ABI3BP: variants seen among roughly 807,000 people sequenced by gnomAD.
ABI3BP encodes the protein target of Nesh-SH3.
A neutral mutation model predicts 268.6 loss-of-function variants in ABI3BP; 216 were observed. The observed-to-expected ratio is 0.80, with a 90% confidence interval of 0.72 to 0.90. The LOEUF is 0.90. Ranked by LOEUF, ABI3BP falls within the 40% of genes least tolerant of loss-of-function variation. ABI3BP has a pLI of 0.00. For missense variants in ABI3BP, 2,090 were observed against 2,182.4 expected, an observed-to-expected ratio of 0.96 and a Z score of 0.84; for synonymous variants, 730 against 730.0, an observed-to-expected ratio of 1.00 and a Z score of 0.00.
chr3:100,853,092 T>C (rs1311442109), intron 14 of ABI3BP, among the ~76,000 whole-genome samples: 2 of 152,236 alleles, frequency 1.3e-5, no homozygotes, highest in African/African-American at 2.4e-5. Flanking sequence ...TGGTTGAAGC[T>C]GTAAGAAAGA....
intron 37 of ABI3BP, 32 bp downstream of exon 37, chr3:100,823,426 G>A: frequency 6.7e-7 from 1 of 1,501,246 alleles, no homozygotes; most frequent in Non-Finnish European, 8.9e-7. Flanking sequence ...ATAAGCAAAA[G>A]AAGCTTGTCG....
intron 51 of ABI3BP, among the ~76,000 whole-genome samples, chr3:100,797,451 AC>A (rs1181672998): frequency 6.6e-6 from 1 of 152,020 alleles, no homozygotes; most frequent in Non-Finnish European, 1.5e-5. Flanking sequence ...CCTTTCATAC[AC>A]ACCAGTGTCT....
At chr3:100,831,658 G>C (rs1183962647) in intron 31 of ABI3BP, among the ~76,000 whole-genome samples, 1 of 152,054 alleles carries the variant, frequency 6.6e-6, no homozygotes, top group Non-Finnish European at 1.5e-5. Flanking sequence ...GTTATCCTCT[G>C]TCTGGTGAGC....
At chr3:100,827,301 C>T (rs1373874224) in intron 34 of ABI3BP, among the ~76,000 whole-genome samples, 1 of 152,256 alleles carries the variant, frequency 6.6e-6, no homozygotes, top group Non-Finnish European at 1.5e-5. Flanking sequence ...CAGGTCTCTT[C>T]TAAACTGACT....
At position 100,858,675 on chromosome 3, in the gene ABI3BP, C is replaced by T. The variant is rs142458580; in HGVS notation, c.1285+3636G>A. On this transcript the variant is annotated intron_variant, in intron 14 of 67. Transcript: ENST00000471714. ...TGATAAAGAGAAAAGCAGCCCCAGG[C>T]ATCCAGGAGCTGGTCTAGTACCCAC... 6.6e-5 allele frequency among the ~76,000 whole-genome samples: 10 copies of T among 152,272 alleles called. No individual in the cohort carries two copies. In the East Asian group the frequency reaches 1.9e-3, roughly 29 times the overall value.
At chr3:100,789,012 G>A (rs1469179897) in intron 56 of ABI3BP, among the ~76,000 whole-genome samples, 2 of 151,992 alleles carry the variant, frequency 1.3e-5, no homozygotes, top group Non-Finnish European at 2.9e-5. Context: ...TATTTTTGCT[G>A]TTTATAACTT....
At chr3:100,971,579 A>G (rs1401336878) in intron 1 of ABI3BP, among the ~76,000 whole-genome samples, 2 of 152,174 alleles carry the variant, frequency 1.3e-5, no homozygotes, top group African/African-American at 4.8e-5. Flanking sequence ...AGGATGGAGA[A>G]CACAGGGTGG....
At chr3:100,770,436 A>T (rs1490158088) in intron 62 of ABI3BP, among the ~76,000 whole-genome samples, 1 of 152,192 alleles carries the variant, frequency 6.6e-6, no homozygotes, top group African/African-American at 2.4e-5. Context: ...TCAGCAATGT[A>T]ATTTTCTGGA....
chr3:100,862,534 A>G, intron 13 of ABI3BP, 149 bp from the exon 14 acceptor site: 1 of 609,012 alleles, frequency 1.6e-6, no homozygotes, highest in South Asian at 2.2e-5. Context: ...TCAGTAAGAA[A>G]TCAGTATGTA....
At chr3:100,874,998 C>A in intron 8 of ABI3BP, 65 bp from the exon 9 acceptor site, 2 of 902,970 alleles carry the variant, frequency 2.2e-6, no homozygotes, top group South Asian at 3.3e-5. Context: ...AAATGAAGCT[C>A]AGCACATCAG....
At chr3:100,878,387 C>T (rs932236167) in intron 6 of ABI3BP, among the ~76,000 whole-genome samples, 2 of 152,028 alleles carry the variant, frequency 1.3e-5, no homozygotes, top group Non-Finnish European at 2.9e-5. Context: ...CTATATTTGC[C>T]AAATTTCTGG....
chr3:100,888,047 G>A (rs1275803483), intron 4 of ABI3BP, among the ~76,000 whole-genome samples: 1 of 151,956 alleles, frequency 6.6e-6, no homozygotes, highest in African/African-American at 2.4e-5. Context: ...AATAGAGAGA[G>A]AGATGAGATG....
intron 14 of ABI3BP, among the ~76,000 whole-genome samples, chr3:100,860,778 A>C (rs570778303): frequency 1.3e-5 from 2 of 152,206 alleles, no homozygotes; most frequent in Non-Finnish European, 2.9e-5. Flanking sequence ...CATGTTCCCC[A>C]TGTTATAACC....
At chr3:100,940,303 G>A (rs2068363768) in intron 1 of ABI3BP, among the ~76,000 whole-genome samples, 1 of 151,988 alleles carries the variant, frequency 6.6e-6, no homozygotes, top group African/African-American at 2.4e-5. Context: ...TTTAGAGATT[G>A]CAGTAAAGAC....
chr3:100,894,455 C>T (rs914855361), intron 4 of ABI3BP, among the ~76,000 whole-genome samples: 1 of 152,024 alleles, frequency 6.6e-6, no homozygotes, highest in African/African-American at 2.4e-5. Flanking sequence ...TAACGGTGGG[C>T]AAGATACTCC....
intron 1 of ABI3BP, among the ~76,000 whole-genome samples, chr3:100,935,807 T>C (rs36194526): frequency 0.1 from 15,710 of 152,186 alleles, 1,102 homozygotes; most frequent in Non-Finnish European, 0.15. Context: ...AGGAAGGTTG[T>C]GATTTTTGCA....
At chr3:100,815,761 C>G (rs1296964064) in intron 44 of ABI3BP, 151 bp downstream of exon 44, 4 of 560,000 alleles carry the variant, frequency 7.1e-6, no homozygotes, top group Non-Finnish European at 9.1e-6. Context: ...ACAGGTAACA[C>G]TTGAATTAAA....
intron 59 of ABI3BP, among the ~76,000 whole-genome samples, chr3:100,777,836 C>G (rs9873555): frequency 0.13 from 20,258 of 152,156 alleles, 1,443 homozygotes; most frequent in Non-Finnish European, 0.16. Context: ...AGATCTTCCC[C>G]TGAGCACCAT....
chr3:100,820,384 T>C, intron 39 of ABI3BP, 81 bp from the exon 40 acceptor site: 1 of 1,056,264 alleles, frequency 9.5e-7, no homozygotes, highest in Non-Finnish European at 1.3e-6. Context: ...TTGAGATCTC[T>C]TAAAACTTAC....
Sources: gnomAD v4.1 joint callset for allele counts (sites outside exome capture counted in the v4.1 genomes callset) on GRCh38, gnomAD v4.1.1 for gene constraint, MANE v1.5 for transcripts, NCBI Gene and HGNC (gene_info 2026-07-23, HGNC 2026-07-21) for gene names.